The following WASF2 variants were observed in gnomAD, a reference collection of about 807,000 sequenced individuals.
The protein encoded by WASF2 is actin-binding protein WASF2.
WASF2 carries 14 observed loss-of-function variants against 45.0 expected under a neutral mutation model. The ratio of observed to expected loss-of-function variants is 0.31; its 90% CI spans 0.21 to 0.49. The LOEUF (loss-of-function observed/expected upper bound fraction) is 0.49. Among genes scored for constraint, WASF2 ranks in the 20% least tolerant of loss-of-function variants. The pLI is 0.99. For missense variants in WASF2, 439 were observed against 636.1 expected, an observed-to-expected ratio of 0.69 and a Z score of 3.33; for synonymous variants, 200 against 236.3, an observed-to-expected ratio of 0.85 and a Z score of 1.41.
At chr1:27,421,511 C>T (rs971167011) in intron 2 of WASF2, among the ~76,000 whole-genome samples, 3 of 151,914 alleles carry the variant, frequency 2.0e-5, no homozygotes, top group Non-Finnish European at 4.4e-5. Context: ...AACCCTGCCT[C>T]TAATAAAATT....
chr1:27,485,215 T>C (rs2017907390), intron 1 of WASF2, among the ~76,000 whole-genome samples: 1 of 152,122 alleles, frequency 6.6e-6, no homozygotes, highest in Non-Finnish European at 1.5e-5. Context: ...CTCTGAATTA[T>C]ATGCAAAAAG....
chr1:27,486,979 A>C (rs546567708), intron 1 of WASF2, among the ~76,000 whole-genome samples: 66 of 147,936 alleles, frequency 4.5e-4, no homozygotes, highest in African/African-American at 1.4e-3. Flanking sequence ...TATTATATAT[A>C]ATCTATATAT....
rs200325160 is a variant in WASF2 at position 27,414,934 on chromosome 1, C to T, written c.567G>A (p.Gly189=). Residue 189 remains glycine, a synonymous_variant, in exon 6 of 9, where the codon GGG becomes GGA. Coordinates refer to ENST00000618852, the MANE Select transcript of WASF2 (RefSeq NM_006990.5). The surrounding 1 kb of genome is among the most constrained non-coding windows in gnomAD (Gnocchi z 4.1). ...RKEKKDNPNR[G]NVNPRKIKTR... ...TCTTGATTTTACGTGGGTTTACATT[C>T]CCTCGATTTGGATTATCTTTCTTTT... is the stretch of plus-strand genomic sequence containing the variant. The T allele has an allele frequency of 2.4e-5, 38 of 1,614,058 alleles. No individual in the cohort carries two copies. Among genetic ancestry groups the T allele is most frequent in the Non-Finnish European group, 3.0e-5 (35 of 1,180,022 alleles).
chr1:27,442,933 G>T lies in WASF2; in HGVS notation c.-43-14000C>A, dbSNP rs1321630398. Reference sequence around the variant, plus strand: ...TTGAACCTGGGAGGCAGAGGTTGCAGTGAGCCAAAACTGCGCCACTGCCCT... The same window carrying T: ...TTGAACCTGGGAGGCAGAGGTTGCATTGAGCCAAAACTGCGCCACTGCCCT... On this transcript the variant is annotated intron_variant, in intron 1 of 8. Coordinates refer to ENST00000618852, the MANE Select transcript of WASF2 (RefSeq NM_006990.5). 2.8e-5 allele frequency among the ~76,000 whole-genome samples: 4 copies of T among 143,662 alleles called. No homozygotes were observed. The East Asian group carries it at 8.6e-4, about 31-fold the overall frequency. The allele number at this position is 143,662 out of a possible 152,430, so 94.2% of individuals were successfully genotyped here.
intron 1 of WASF2, among the ~76,000 whole-genome samples, chr1:27,438,513 C>A (rs1409582995): frequency 6.6e-6 from 1 of 152,210 alleles, no homozygotes; most frequent in Non-Finnish European, 1.5e-5. Flanking sequence ...TGCACCCTCT[C>A]TGGGATGGAA....
chr1:27,422,539 A>C (rs2016922961), intron 2 of WASF2, among the ~76,000 whole-genome samples: 1 of 151,022 alleles, frequency 6.6e-6, no homozygotes, highest in Non-Finnish European at 1.5e-5. Context: ...GAATTGCATG[A>C]ACCCAGGAGG....
In WASF2 at chr1:27,404,817, G is replaced by A. The variant is rs967894584; in HGVS notation, c.*3372C>T. On this transcript the variant is annotated 3_prime_UTR_variant, in exon 9 of 9. Coordinates refer to ENST00000618852, the MANE Select transcript of WASF2 (RefSeq NM_006990.5). Reference sequence around the variant, plus strand: ...GGCACAGTTAAAGGGAACATGGTAGGAGGCACAGAAGGAGGCACAGAATGA... The same window carrying A: ...GGCACAGTTAAAGGGAACATGGTAGAAGGCACAGAAGGAGGCACAGAATGA... The A allele has an allele frequency of 6.7e-6, 1 of 149,272 alleles. No homozygotes were observed. Among genetic ancestry groups the A allele is most frequent in the African/African-American group, 2.5e-5 (1 of 40,470 alleles). The allele number at this position is 149,272 out of a possible 1,614,324, so 9.2% of individuals were successfully genotyped here.
In WASF2 at chr1:27,407,670, C is replaced by T. The variant is rs758178909; in HGVS notation, c.*519G>A. ...CTTAGCAAAAGGCAGGCCCACCCTG[C>T]TGATTAGGGCAGAGGGTGAGGCAGT... On this transcript the variant is annotated 3_prime_UTR_variant, in exon 9 of 9. Transcript: ENST00000618852. 6.6e-6 allele frequency: 1 copy of T among 152,450 alleles called. No individual in the cohort carries two copies. Among genetic ancestry groups the T allele is most frequent in the African/African-American group, 2.4e-5 (1 of 41,470 alleles). 9.4% of individuals were successfully genotyped at this position (152,450 alleles called of 1,614,324 possible).
intron 1 of WASF2, among the ~76,000 whole-genome samples, chr1:27,472,971 CAAAAAA>C (rs59391183): frequency 1.5e-5 from 1 of 68,322 alleles, no homozygotes; most frequent in Admixed American, 1.9e-4. Flanking sequence ...GACCTTGTCT[CAAAAAA>C]AAAAAAAAAA....
chr1:27,470,639 G>A (rs1216577117), intron 1 of WASF2, among the ~76,000 whole-genome samples: 7 of 146,076 alleles, frequency 4.8e-5, no homozygotes, highest in Non-Finnish European at 1.1e-4. Flanking sequence ...GAGTCAAAAT[G>A]AAGAGCAGTA....
At chr1:27,459,593 A>G (rs951208769) in intron 1 of WASF2, 1 of 152,216 alleles carries the variant, frequency 6.6e-6, no homozygotes, top group African/African-American at 2.4e-5. Flanking sequence ...TAAAAAATAA[A>G]AATGTAATCA....
chr1:27,409,452 A>AAAAAAAAAAAAG (rs1557594400), intron 8 of WASF2, among the ~76,000 whole-genome samples: 2 of 146,268 alleles, frequency 1.4e-5, no homozygotes, highest in African/African-American at 5.4e-5. Context: ...AAAAAAAAAA[A>AAAAAAAAAAAAG]AAAAGAAAAG....
chr1:27,407,893 G>T lies in WASF2; in HGVS notation c.*296C>A. ...CATCTCCAACAGAAACCCGATCAAA[G>T]GAATCTGCTTTGGGATTTCTCCTTC... is the stretch of plus-strand genomic sequence containing the variant. On this transcript the variant is annotated 3_prime_UTR_variant, in exon 9 of 9. Coordinates refer to ENST00000618852, the MANE Select transcript of WASF2 (RefSeq NM_006990.5). 1 of 293,694 alleles carries T rather than the reference G, an allele frequency of 3.4e-6. No homozygotes were observed. Among genetic ancestry groups the T allele is most frequent in the Non-Finnish European group, 6.4e-6 (1 of 157,392 alleles). 18.2% of individuals were successfully genotyped at this position (293,694 alleles called of 1,614,324 possible).
At chr1:27,454,135 ATGTGTGTGTG>A (rs376322285) in intron 1 of WASF2, among the ~76,000 whole-genome samples, 1 of 37,976 alleles carries the variant, frequency 2.6e-5, no homozygotes, top group African/African-American at 9.9e-5. Context: ...GTATATATAT[ATGTGTGTGTG>A]TGTGTGTGTA....
At chr1:27,466,435 G>A (rs185218257) in intron 1 of WASF2, among the ~76,000 whole-genome samples, 339 of 152,200 alleles carry the variant, frequency 2.2e-3, no homozygotes, top group African/African-American at 7.8e-3. Flanking sequence ...AAAAGCAACC[G>A]GATTCAGTTC....
intron 2 of WASF2, among the ~76,000 whole-genome samples, chr1:27,423,024 C>T (rs2016930162): frequency 1.3e-5 from 2 of 151,684 alleles, no homozygotes; most frequent in South Asian, 4.2e-4. Flanking sequence ...TCTTGTAATC[C>T]CAGCTACTCA....
intron 1 of WASF2, among the ~76,000 whole-genome samples, chr1:27,471,983 A>G (rs770280059): frequency 3.3e-5 from 5 of 152,128 alleles, no homozygotes; most frequent in Non-Finnish European, 7.3e-5. Context: ...CACCTCAATC[A>G]AGTCCTGCCC....
intron 1 of WASF2, among the ~76,000 whole-genome samples, chr1:27,480,327 G>T (rs1221594120): frequency 6.6e-6 from 1 of 151,896 alleles, no homozygotes; most frequent in Non-Finnish European, 1.5e-5. Flanking sequence ...GAACAGCCTG[G>T]CCAACATGGT....
intron 1 of WASF2, among the ~76,000 whole-genome samples, chr1:27,476,595 A>G (rs1396006648): frequency 6.6e-6 from 1 of 152,196 alleles, no homozygotes; most frequent in Non-Finnish European, 1.5e-5. Context: ...TTTAAAAAAA[A>G]AAAAACCTCT....
Sources: allele counts gnomAD v4.1 joint callset (sites outside exome capture counted in the v4.1 genomes callset), GRCh38; gene constraint gnomAD v4.1.1; non-coding constraint Gnocchi (gnomAD v3.1); transcripts MANE v1.5; gene names NCBI Gene and HGNC (gene_info 2026-07-23, HGNC 2026-07-21).